TMPRSS3: variants seen among roughly 807,000 people sequenced by gnomAD.
The protein encoded by TMPRSS3 is transmembrane protease serine 3.
TMPRSS3 carries 55 observed loss-of-function variants against 59.6 expected under a neutral mutation model. That is an observed-to-expected ratio of 0.92 (90% CI 0.74 to 1.16). The LOEUF (loss-of-function observed/expected upper bound fraction) is 1.16. TMPRSS3 is among the 50% of genes most tolerant of loss of function. TMPRSS3 has a pLI of 0.00. For synonymous variants in TMPRSS3, 257 were observed against 237.7 expected, an observed-to-expected ratio of 1.08 and a Z score of -0.75; for missense variants, 596 against 579.4, an observed-to-expected ratio of 1.03 and a Z score of -0.29.
rs2052346406 is a variant in TMPRSS3, at chr21:42,372,181, A to G, written c.*581T>C. 2.3e-6 allele frequency: 1 copy of G among 425,576 alleles called. No individual in the cohort carries two copies. The highest frequency in any genetic ancestry group is 2.5e-5 in the Admixed American group (1 of 39,734). 26.4% of individuals were successfully genotyped at this position (425,576 alleles called of 1,614,324 possible). On this transcript the variant is annotated 3_prime_UTR_variant, in exon 13 of 13. Transcript: ENST00000644384. ...TGCTTATCTCGTCAGGAATTTTGCA[A>G]GACCCCTGGAGAGAAAACCAGATGG... is the stretch of plus-strand genomic sequence containing the variant.
At chr21:42,383,623 C>A in intron 7 of TMPRSS3, 4 of 534,646 alleles carry the variant, frequency 7.5e-6, no homozygotes, top group Non-Finnish European at 1.4e-5. Context: ...CTGCCAGGAA[C>A]GAGGGGCACT....
At chr21:42,372,804 T>C in intron 12 of TMPRSS3, 25 bp from the exon 13 acceptor site, 2 of 1,613,974 alleles carry the variant, frequency 1.2e-6, no homozygotes, top group Non-Finnish European at 1.7e-6. Flanking sequence ...AAAGGCGTTA[T>C]TGTTTTTAGC....
At chr21:42,375,348 G>A (rs1176065085) in intron 12 of TMPRSS3, among the ~76,000 whole-genome samples, 1 of 150,500 alleles carries the variant, frequency 6.6e-6, no homozygotes, top group Admixed American at 6.7e-5. Context: ...CTCCCGCACT[G>A]TCTCAGCCCC....
Position 42,388,901 on chromosome 21 carries a change from T to C in TMPRSS3, c.322+28A>G. 1 of 1,598,592 alleles carries C rather than the reference T, an allele frequency of 6.3e-7. No individual in the cohort carries two copies. Among genetic ancestry groups the C allele is most frequent in the Admixed American group, 1.7e-5 (1 of 60,014 alleles). ...GTTGGCTTCTGCTGCTTCCTTCTGT[T>C]TCCCCAGGGGAAGAGCCATGACCTT... On this transcript the variant is annotated intron_variant, in intron 4 of 12. Coordinates refer to ENST00000644384, the MANE Select transcript of TMPRSS3 (RefSeq NM_001256317.3). The surrounding 1 kb of genome is among the most constrained non-coding windows in gnomAD (Gnocchi z 5.1).
intron 2 of TMPRSS3, among the ~76,000 whole-genome samples, chr21:42,394,147 A>G (rs225317): frequency 0.39 from 59,343 of 151,970 alleles, 12,717 homozygotes; most frequent in African/African-American, 0.58. Context: ...CTCTATTTAC[A>G]AGGAAAAGTT....
intron 9 of TMPRSS3, 145 bp from the exon 10 acceptor site, chr21:42,380,357 CT>C (rs1336628360): frequency 1.4e-6 from 1 of 725,092 alleles, no homozygotes; most frequent in Non-Finnish European, 2.4e-6. Flanking sequence ...AAACGATCAG[CT>C]CACAGCAGGA....
chr21:42,374,256 G>A lies in TMPRSS3; in HGVS notation c.1344+1460C>T, dbSNP rs569953335. Reference sequence around the variant, plus strand: ...CAGGCTGCCTCTCCCAGCAAGGTGAGCAGGAGCAAGCACTTTCCACCCAGC... The same window carrying A: ...CAGGCTGCCTCTCCCAGCAAGGTGAACAGGAGCAAGCACTTTCCACCCAGC... On this transcript the variant is annotated intron_variant, in intron 12 of 12. Coordinates refer to ENST00000644384, the MANE Select transcript of TMPRSS3 (RefSeq NM_001256317.3). Among the ~76,000 whole-genome samples the A allele has an allele frequency of 5.3e-4, 80 of 152,284 alleles. 2 individuals are homozygous for A. The highest frequency in any genetic ancestry group is 5.1e-3 in the Admixed American group (78 of 15,296).
intron 2 of TMPRSS3, among the ~76,000 whole-genome samples, chr21:42,393,337 A>G (rs1374123825): frequency 6.6e-6 from 1 of 152,232 alleles, no homozygotes; most frequent in East Asian, 1.9e-4. Flanking sequence ...AATGATTCAC[A>G]TGAAGTGAAA....
chr21:42,375,924 C>G (rs1290250943), intron 11 of TMPRSS3, 56 bp from the exon 12 acceptor site: 5 of 1,606,624 alleles, frequency 3.1e-6, no homozygotes, highest in Non-Finnish European at 4.2e-6. Context: ...TGCGAGATTG[C>G]TTTCTGTGGA....
In TMPRSS3 at chr21:42,395,342, T is replaced by A. The variant is rs2052788898; in HGVS notation, c.76A>T (p.Ile26Leu). Reference sequence around the variant, plus strand: ...CACTTACCTGGTGCAACAGGACTTATTTTCAAATCATCAAGGCCAAAAAGC... The same window carrying A: ...CACTTACCTGGTGCAACAGGACTTAATTTCAAATCATCAAGGCCAAAAAGC... Reference protein sequence around the residue: ...RSLFGLDDLKISPVAPDADAV... With the variant: ...RSLFGLDDLKLSPVAPDADAV... The change falls in exon 2 of 13, where the codon ATA (isoleucine) becomes TTA (leucine). Residue 26 changes from isoleucine (I) to leucine (L), a missense_variant. Transcript: ENST00000644384. 3 of 1,614,014 alleles carry A rather than the reference T, an allele frequency of 1.9e-6. No homozygotes were observed. The highest frequency in any genetic ancestry group is 2.5e-6 in the Non-Finnish European group (3 of 1,180,004).
Position 42,389,987 on chromosome 21 carries a change from A to G in TMPRSS3, c.145T>C (p.Phe49Leu), listed in dbSNP as rs1227990860. 1.2e-6 allele frequency: 2 copies of G among 1,614,246 alleles called. No individual in the cohort carries two copies. Among genetic ancestry groups the G allele is most frequent in the Admixed American group, 1.7e-5 (1 of 60,032 alleles). Residue 49 changes from phenylalanine to leucine, a missense_variant, in exon 3 of 13, where the codon TTT becomes CTT. Transcript: ENST00000644384. ...QILSLLPLKFFPIIVIGIIAL... is the reference protein window; with the variant it reads ...QILSLLPLKFLPIIVIGIIAL... Reference sequence around the variant, plus strand: ...ATGATCCCAATGACGATGATTGGAAAAAACTTCAATGGCAGCAGTGACAGG... The same window carrying G: ...ATGATCCCAATGACGATGATTGGAAGAAACTTCAATGGCAGCAGTGACAGG...
rs1254039532 is a variant in TMPRSS3, at chr21:42,372,474, C to T, written c.*288G>A. The T allele has an allele frequency of 8.6e-6, 5 of 582,994 alleles. No individual in the cohort carries two copies. The highest frequency in any genetic ancestry group is 1.6e-5 in the Non-Finnish European group (5 of 311,530). 36.1% of individuals were successfully genotyped at this position (582,994 alleles called of 1,614,324 possible). On this transcript the variant is annotated 3_prime_UTR_variant, in exon 13 of 13. Coordinates refer to ENST00000644384, the MANE Select transcript of TMPRSS3 (RefSeq NM_001256317.3). ...ACTGGGGAAGCTGAGGCAAGAGAAT[C>T]GCTTGAACCAGGGAAGCGGAGGCTG...
chr21:42,390,063 G>A (rs2052709780), intron 2 of TMPRSS3, 26 bp from the exon 3 acceptor site: 1 of 1,542,152 alleles, frequency 6.5e-7, no homozygotes, highest in African/African-American at 1.4e-5. Flanking sequence ...AGGAAGAGCA[G>A]AAAGCCACAG....
At chr21:42,375,689 G>A (rs775622704) in intron 12 of TMPRSS3, 27 bp downstream of exon 12, 8 of 1,613,590 alleles carry the variant, frequency 5.0e-6, no homozygotes, top group South Asian at 1.1e-5. Context: ...CAGGGACAAC[G>A]TGAGCTGGGG....
chr21:42,392,448 C>G (rs1357923986), intron 2 of TMPRSS3, among the ~76,000 whole-genome samples: 2 of 152,132 alleles, frequency 1.3e-5, no homozygotes, highest in African/African-American at 4.8e-5. Context: ...GATGAGAGAC[C>G]GTGGCAAGTT....
At chr21:42,391,170 A>G (rs965268224) in intron 2 of TMPRSS3, among the ~76,000 whole-genome samples, 1 of 152,358 alleles carries the variant, frequency 6.6e-6, no homozygotes, top group Middle Eastern at 3.4e-3. Flanking sequence ...GAGATCTCCC[A>G]GAGGAGATGC....
chr21:42,372,540 A>G lies in TMPRSS3; in HGVS notation c.*222T>C, dbSNP rs1487226723. 8.9e-6 allele frequency: 6 copies of G among 674,924 alleles called. No homozygotes were observed. The highest frequency in any genetic ancestry group is 8.2e-5 in the Admixed American group (4 of 48,982). The allele number at this position is 674,924 out of a possible 1,614,324, so 41.8% of individuals were successfully genotyped here. ...TCGCCACTGCACTCCAGCCTGGGCA[A>G]CAGAGCGAGACTCCATCTCAAAAAA... is the stretch of plus-strand genomic sequence containing the variant. On this transcript the variant is annotated 3_prime_UTR_variant, in exon 13 of 13. Transcript: ENST00000644384.
Position 42,388,843 on chromosome 21 carries a change from C to T in TMPRSS3, c.322+86G>A, listed in dbSNP as rs917503752. Reference sequence around the variant, plus strand: ...AGACATGACCTAAAAATGGCAATGACTTGGACCCATTTTACAGATGGGAAG... The same window carrying T: ...AGACATGACCTAAAAATGGCAATGATTTGGACCCATTTTACAGATGGGAAG... On this transcript the variant is annotated intron_variant, in intron 4 of 12. Coordinates refer to ENST00000644384, the MANE Select transcript of TMPRSS3 (RefSeq NM_001256317.3). This position sits in a 1 kb window ranked among gnomAD's most constrained non-coding sequence, Gnocchi z 5.1. 24 of 1,235,222 alleles carry T rather than the reference C, an allele frequency of 1.9e-5. No individual in the cohort carries two copies. In the Middle Eastern group the frequency reaches 7.7e-4, roughly 40 times the overall value. The allele number at this position is 1,235,222 out of a possible 1,614,324, so 76.5% of individuals were successfully genotyped here.
chr21:42,378,371 C>T (rs2052464577), intron 10 of TMPRSS3, among the ~76,000 whole-genome samples: 1 of 152,234 alleles, frequency 6.6e-6, no homozygotes, highest in African/African-American at 2.4e-5. Flanking sequence ...CAAAATATGC[C>T]TACCTGCCAC....
Sources: allele counts gnomAD v4.1 joint callset (sites outside exome capture counted in the v4.1 genomes callset), GRCh38; gene constraint gnomAD v4.1.1; non-coding constraint Gnocchi (gnomAD v3.1); transcripts MANE v1.5; gene names NCBI Gene and HGNC (gene_info 2026-07-23, HGNC 2026-07-21).